The following ERC1 variants were observed in gnomAD, a reference collection of about 807,000 sequenced individuals.
ERC1 encodes RAB6 interacting protein 2.
In ERC1, 56 loss-of-function variants were observed where a neutral mutation model predicts 132.0. That is an observed-to-expected ratio of 0.42 (90% CI 0.34 to 0.53). The LOEUF (loss-of-function observed/expected upper bound fraction) is 0.53, where lower values mean the gene tolerates loss of function less well. Ranked by LOEUF, ERC1 falls within the 20% of genes least tolerant of loss-of-function variation. ERC1 has a pLI of 0.03. For missense variants in ERC1, 1,202 were observed against 1,349.9 expected (o/e 0.89, Z 1.72); for synonymous variants, 478 against 476.1 (o/e 1.00, Z -0.05).
chr12:1,057,387 A>G (rs1181424920), intron 2 of ERC1, among the ~76,000 whole-genome samples: 1 of 152,130 alleles, frequency 6.6e-6, no homozygotes, highest in African/African-American at 2.4e-5. Flanking sequence ...GCCTCCTGGA[A>G]AGCGCTGGGC....
At chr12:1,112,151 A>G (rs1945951106) in intron 5 of ERC1, 64 bp from the exon 6 acceptor site, 3 of 1,112,028 alleles carry the variant, frequency 2.7e-6, no homozygotes, top group Non-Finnish European at 2.7e-6. Flanking sequence ...TTCTGCCTCA[A>G]AAGTAGACAA....
intron 3 of ERC1, among the ~76,000 whole-genome samples, chr12:1,095,930 AT>A (rs372053389): frequency 0.12 from 17,303 of 144,292 alleles, 3,090 homozygotes; most frequent in African/African-American, 0.39. Flanking sequence ...GCAGGGAAGG[AT>A]TTTTTTTTTT....
intron 13 of ERC1, among the ~76,000 whole-genome samples, chr12:1,243,509 C>T (rs1350578252): frequency 7.2e-5 from 11 of 151,978 alleles, no homozygotes; most frequent in Non-Finnish European, 2.9e-5. Context: ...TGTAATGAAA[C>T]GTGAGAGATG....
At chr12:1,345,597 G>A (rs2084376949) in intron 15 of ERC1, among the ~76,000 whole-genome samples, 1 of 152,086 alleles carries the variant, frequency 6.6e-6, no homozygotes, top group Non-Finnish European at 1.5e-5. Flanking sequence ...ATTTTAATCA[G>A]TATTAATTCA....
At chr12:1,344,884 C>T (rs2084288626) in intron 15 of ERC1, among the ~76,000 whole-genome samples, 1 of 152,174 alleles carries the variant, frequency 6.6e-6, no homozygotes, top group African/African-American at 2.4e-5. Context: ...CTGTCCAGCT[C>T]CAGAACACAT....
chr12:1,095,216 G>A (rs1053311937), intron 3 of ERC1, among the ~76,000 whole-genome samples: 1 of 151,984 alleles, frequency 6.6e-6, no homozygotes, highest in East Asian at 1.9e-4. Context: ...GATCACTTGA[G>A]GTCAGGAGTT....
intron 13 of ERC1, among the ~76,000 whole-genome samples, chr12:1,237,269 T>A (rs570627346): frequency 1.3e-5 from 2 of 152,266 alleles, no homozygotes; most frequent in South Asian, 4.1e-4. Context: ...GTTTGTGTCT[T>A]TCTTCCTTTT....
chr12:1,272,038 A>G (rs930858972), intron 14 of ERC1, among the ~76,000 whole-genome samples: 3 of 152,196 alleles, frequency 2.0e-5, no homozygotes, highest in African/African-American at 7.2e-5. Context: ...TGTATTCCAT[A>G]ATGGCGAAGA....
intron 13 of ERC1, among the ~76,000 whole-genome samples, chr12:1,247,284 G>A (rs181671193): frequency 6.6e-6 from 1 of 152,266 alleles, no homozygotes; most frequent in East Asian, 1.9e-4. Flanking sequence ...AACAATGAAA[G>A]GACATTGGTG....
intron 15 of ERC1, among the ~76,000 whole-genome samples, chr12:1,361,108 A>C: frequency 6.6e-6 from 1 of 151,564 alleles, no homozygotes; most frequent in Non-Finnish European, 1.5e-5. Flanking sequence ...CAAAAAAAAA[A>C]AAAAAAAAAG....
intron 15 of ERC1, among the ~76,000 whole-genome samples, chr12:1,291,869 C>T (rs2079475762): frequency 6.6e-6 from 1 of 152,164 alleles, no homozygotes; most frequent in South Asian, 2.1e-4. Flanking sequence ...ATAGCCAGCC[C>T]TGGAGAGGAG....
At chr12:1,378,564 C>T (rs1408398186) in intron 16 of ERC1, among the ~76,000 whole-genome samples, 4 of 152,152 alleles carry the variant, frequency 2.6e-5, no homozygotes, top group Non-Finnish European at 5.9e-5. Context: ...ATGATGGAAG[C>T]TTGTTGCCAA....
chr12:1,420,737 G>A (rs1434874388), intron 17 of ERC1, among the ~76,000 whole-genome samples: 6 of 152,126 alleles, frequency 3.9e-5, no homozygotes, highest in Admixed American at 6.5e-5. Flanking sequence ...TTACAGGCAT[G>A]AGCCACCATG....
intron 3 of ERC1, among the ~76,000 whole-genome samples, chr12:1,100,703 G>A (rs906035698): frequency 3.3e-5 from 5 of 152,210 alleles, no homozygotes; most frequent in Admixed American, 2.0e-4. Flanking sequence ...AGTGAAGCAA[G>A]TTTAGAGGGG....
chr12:989,991 G>T (rs1013088554), upstream of ERC1: 4 of 152,236 alleles, frequency 2.6e-5, no homozygotes, highest in African/African-American at 9.7e-5. Flanking sequence ...GTACTGAAGG[G>T]GGAGATGACA....
intron 8 of ERC1, among the ~76,000 whole-genome samples, chr12:1,149,463 A>G (rs141698583): frequency 0.01 from 1,590 of 152,278 alleles, 11 homozygotes; most frequent in Non-Finnish European, 0.015. Context: ...CAGTGGTGCA[A>G]TTATGGCTCA....
intron 12 of ERC1, 182 bp downstream of exon 12, chr12:1,190,234 G>C (rs1383600925): frequency 1.4e-6 from 1 of 738,418 alleles, no homozygotes; most frequent in Non-Finnish European, 2.5e-6. Context: ...TGTCTGAAAG[G>C]CAACATAGAA....
intron 15 of ERC1, among the ~76,000 whole-genome samples, chr12:1,324,375 A>G (rs1032096456): frequency 6.6e-6 from 1 of 152,208 alleles, no homozygotes; most frequent in African/African-American, 2.4e-5. Context: ...GAGCCTGCCA[A>G]GATTTTTGCT....
chr12:1,426,723 A>G (rs543557700), intron 17 of ERC1, among the ~76,000 whole-genome samples: 2 of 152,146 alleles, frequency 1.3e-5, no homozygotes, highest in Non-Finnish European at 2.9e-5. Context: ...CAACATTATC[A>G]TATCACTGGA....
Sources: allele counts gnomAD v4.1 joint callset (sites outside exome capture counted in the v4.1 genomes callset), GRCh38; gene constraint gnomAD v4.1.1; transcripts MANE v1.5; gene names NCBI Gene and HGNC (gene_info 2026-07-23, HGNC 2026-07-21).